LRRC69: variants seen among roughly 807,000 people sequenced by gnomAD.
LRRC69 encodes the protein leucine rich repeat containing 69.
LRRC69 carries 42 observed loss-of-function variants against 37.8 expected under a neutral mutation model. The ratio of observed to expected loss-of-function variants is 1.11; its 90% CI spans 0.87 to 1.44. LRRC69 has a LOEUF of 1.44. Ranked by LOEUF, LRRC69 falls within the 40% of genes most tolerant of loss-of-function variation. The probability of loss-of-function intolerance (pLI) is 0.00; values close to 1 mark genes in which losing one functional copy is unlikely to be tolerated. For missense variants in LRRC69, 357 were observed against 401.9 expected, an observed-to-expected ratio of 0.89 and a Z score of 0.96; for synonymous variants, 141 against 143.1, an observed-to-expected ratio of 0.99 and a Z score of 0.11.
intron 5 of LRRC69, among the ~76,000 whole-genome samples, chr8:91,150,951 T>A (rs1392965211): frequency 7.2e-5 from 11 of 152,154 alleles, no homozygotes; most frequent in African/African-American, 2.6e-4. Flanking sequence ...TCATTTTTTA[T>A]TGTGTCTGTT....
intron 1 of LRRC69, among the ~76,000 whole-genome samples, chr8:91,111,966 A>G (rs560452563): frequency 6.6e-6 from 1 of 152,116 alleles, no homozygotes; most frequent in African/African-American, 2.4e-5. Flanking sequence ...ACACCGTGCT[A>G]TGCAAATGCA....
intron 7 of LRRC69, chr8:91,206,687 T>A (rs1393347219): frequency 7.8e-7 from 1 of 1,289,452 alleles, no homozygotes; most frequent in South Asian, 1.2e-5. Flanking sequence ...CATGTCTCTC[T>A]TTCAGAAACT....
chr8:91,105,720 A>T (rs1813301397), intron 1 of LRRC69, among the ~76,000 whole-genome samples: 1 of 151,504 alleles, frequency 6.6e-6, no homozygotes, highest in African/African-American at 2.4e-5. Flanking sequence ...CAGCTTAGAG[A>T]ATTGAAAAGG....
intron 6 of LRRC69, among the ~76,000 whole-genome samples, chr8:91,195,424 G>T (rs985817984): frequency 4.6e-5 from 7 of 151,810 alleles, no homozygotes; most frequent in African/African-American, 1.2e-4. Context: ...TTGTTGATCT[G>T]TCTAATGTTG....
chr8:91,207,157 G>T (rs1335311373), intron 7 of LRRC69, among the ~76,000 whole-genome samples: 1 of 152,178 alleles, frequency 6.6e-6, no homozygotes, highest in Non-Finnish European at 1.5e-5. Context: ...GGATAATAAG[G>T]ATTGGAATCT....
chr8:91,206,105 C>T (rs566211910), intron 7 of LRRC69, among the ~76,000 whole-genome samples: 5 of 152,238 alleles, frequency 3.3e-5, no homozygotes, highest in South Asian at 4.1e-4. Context: ...GAGAGAGCTT[C>T]GGACAATACC....
chr8:91,196,632 C>A (rs1241505073), intron 6 of LRRC69, among the ~76,000 whole-genome samples: 3 of 152,096 alleles, frequency 2.0e-5, no homozygotes, highest in Admixed American at 6.6e-5. Context: ...TCCAGTTGAT[C>A]GCATCAGCTC....
intron 1 of LRRC69, among the ~76,000 whole-genome samples, chr8:91,106,195 T>A (rs1294977446): frequency 6.6e-6 from 1 of 152,084 alleles, no homozygotes; most frequent in Non-Finnish European, 1.5e-5. Context: ...GAACTCTTTC[T>A]TATGTGGCTA....
At chr8:91,127,601 C>CAAAAA (rs554876868) in intron 3 of LRRC69, among the ~76,000 whole-genome samples, 4 of 66,566 alleles carry the variant, frequency 6.0e-5, no homozygotes, top group East Asian at 1.2e-3. Flanking sequence ...TGTCATTAAC[C>CAAAAA]AAAAAAAAAA....
intron 5 of LRRC69, among the ~76,000 whole-genome samples, chr8:91,162,692 G>A (rs1808966174): frequency 1.3e-5 from 2 of 151,122 alleles, no homozygotes; most frequent in Admixed American, 1.3e-4. Flanking sequence ...TGGGTCTTAT[G>A]TTTTTATCCA....
intron 1 of LRRC69, among the ~76,000 whole-genome samples, chr8:91,103,106 C>T (rs1247488470): frequency 6.6e-6 from 1 of 152,082 alleles, no homozygotes; most frequent in Non-Finnish European, 1.5e-5. Context: ...CTGCCACACT[C>T]ATCTTTTTAG....
intron 6 of LRRC69, among the ~76,000 whole-genome samples, chr8:91,196,454 C>A (rs1345792877): frequency 2.0e-5 from 3 of 151,912 alleles, no homozygotes; most frequent in Non-Finnish European, 4.4e-5. Flanking sequence ...CAACTTGGTT[C>A]CATTCTCCCC....
chr8:91,147,165 T>C (rs1808634665), intron 5 of LRRC69, among the ~76,000 whole-genome samples: 1 of 150,698 alleles, frequency 6.6e-6, no homozygotes, highest in South Asian at 2.1e-4. Flanking sequence ...CATGCTCATA[T>C]ATTGTAAATT....
intron 5 of LRRC69, among the ~76,000 whole-genome samples, chr8:91,178,096 C>T (rs1321609494): frequency 6.6e-6 from 1 of 152,176 alleles, no homozygotes; most frequent in Non-Finnish European, 1.5e-5. Context: ...GATCCGCCTG[C>T]CTTGGCCTCC....
Position 91,145,908 on chromosome 8 carries a change from G to A in LRRC69, c.651+10169G>A, listed in dbSNP as rs1327058923. Among the ~76,000 whole-genome samples, 3 of 151,762 alleles carry A rather than the reference G, an allele frequency of 2.0e-5. No homozygotes were observed. The East Asian group carries it at 5.8e-4, about 29-fold the overall frequency. On this transcript the variant is annotated intron_variant, in intron 5 of 7. Transcript: ENST00000448384. ...GACTTTTTGAAATGAAAAGCAGAGA[G>A]AAAAAATTATGAAATATTATCCTTG...
intron 5 of LRRC69, among the ~76,000 whole-genome samples, chr8:91,141,644 A>T (rs1808535332): frequency 6.6e-6 from 1 of 152,110 alleles, no homozygotes; most frequent in Non-Finnish European, 1.5e-5. Context: ...GAAACTTTGG[A>T]ATTTGTGTTT....
chr8:91,139,466 A>T (rs978590651), intron 5 of LRRC69, among the ~76,000 whole-genome samples: 1 of 151,514 alleles, frequency 6.6e-6, no homozygotes, highest in Admixed American at 6.6e-5. Flanking sequence ...GTAGAGACGG[A>T]GTTTCTCCAT....
At chr8:91,169,411 T>C (rs1302978080) in intron 5 of LRRC69, among the ~76,000 whole-genome samples, 1 of 151,962 alleles carries the variant, frequency 6.6e-6, no homozygotes, top group East Asian at 1.9e-4. Context: ...AAATAAAAGT[T>C]AAATTTAGAA....
intron 5 of LRRC69, among the ~76,000 whole-genome samples, chr8:91,144,359 T>G (rs1171919343): frequency 6.6e-6 from 1 of 152,046 alleles, no homozygotes; most frequent in Non-Finnish European, 1.5e-5. Context: ...TATTTTCCTC[T>G]GCAGATTCCT....
Sources: allele counts gnomAD v4.1 joint callset (sites outside exome capture counted in the v4.1 genomes callset), GRCh38; gene constraint gnomAD v4.1.1; transcripts MANE v1.5; gene names NCBI Gene and HGNC (gene_info 2026-07-23, HGNC 2026-07-21).